UBA6: variants seen among roughly 807,000 people sequenced by gnomAD.
UBA6 encodes the protein ubiquitin-like modifier-activating enzyme 6.
UBA6 carries 87 observed loss-of-function variants against 148.3 expected under a neutral mutation model. That is an observed-to-expected ratio of 0.59 (90% confidence interval 0.49 to 0.70). UBA6 has a LOEUF of 0.70. UBA6 is among the 30% of genes least tolerant of loss of function. The pLI is 0.00. For synonymous variants in UBA6, 376 were observed against 401.0 expected, an observed-to-expected ratio of 0.94 and a Z score of 0.75; for missense variants, 1,186 against 1,241.2, an observed-to-expected ratio of 0.96 and a Z score of 0.67.
intron 1 of UBA6, 110 bp downstream of exon 1, chr4:67,700,938 TC>T (rs1730966463): frequency 7.3e-7 from 1 of 1,370,094 alleles, no homozygotes; most frequent in Admixed American, 2.0e-5. Context: ...CCGGCTCTGC[TC>T]GGCCCCGCGG....
chr4:67,626,297 T>A, intron 28 of UBA6, 63 bp downstream of exon 28: 1 of 923,866 alleles, frequency 1.1e-6, no homozygotes, highest in Non-Finnish European at 1.8e-6. Context: ...TTCTTAGGTG[T>A]AGAGCTTAGT....
intron 9 of UBA6, among the ~76,000 whole-genome samples, chr4:67,667,002 A>T (rs1437399556): frequency 6.6e-6 from 1 of 152,194 alleles, no homozygotes; most frequent in Non-Finnish European, 1.5e-5. Context: ...GCTTCATAAC[A>T]GCCACTCTAT....
intron 20 of UBA6, among the ~76,000 whole-genome samples, chr4:67,634,833 T>A (rs369106893): frequency 6.6e-6 from 1 of 152,080 alleles, no homozygotes; most frequent in Non-Finnish European, 1.5e-5. Context: ...AAGGTGACAT[T>A]TAAAGTTTTA....
At position 67,622,925 on chromosome 4, in the gene UBA6, C is replaced by A; in HGVS notation, c.2929G>T (p.Glu977Ter). 3 of 1,599,814 alleles carry A rather than the reference C, an allele frequency of 1.9e-6. No individual in the cohort carries two copies. The highest frequency in any genetic ancestry group is 2.6e-6 in the Non-Finnish European group (3 of 1,174,062). The change falls in exon 32 of 33, where the codon GAG becomes TAG. Residue 977 changes from glutamate to a stop codon, truncating the protein, a stop_gained and splice_region_variant. Transcript: ENST00000322244. LOFTEE classifies it high-confidence loss of function. The stretch of plus-strand genomic sequence containing the variant: ...ATTGTTGGCTCAATTCCATACTTCT[C>A]CTAAAAGTGAATATCCAAAAAAGAA... The part of the protein sequence containing the change: ...TLLDFINAVK[E>*]KYGIEPTMVV...
At chr4:67,673,418 GAAA>G (rs566565882) in intron 7 of UBA6, among the ~76,000 whole-genome samples, 1,211 of 102,124 alleles carry the variant, frequency 0.012, 28 homozygotes, top group African/African-American at 0.042. Context: ...TCTGTCTCGG[GAAA>G]AAAAAAAAAA....
intron 2 of UBA6, among the ~76,000 whole-genome samples, chr4:67,685,953 C>A (rs1730548596): frequency 6.6e-6 from 1 of 152,088 alleles, no homozygotes; most frequent in South Asian, 2.1e-4. Context: ...TTCTTTGTAC[C>A]AAGTAATATG....
At chr4:67,623,281 C>A in intron 30 of UBA6, 59 bp from the exon 31 acceptor site, 4 of 1,294,644 alleles carry the variant, frequency 3.1e-6, no homozygotes, top group Admixed American at 3.9e-5. Flanking sequence ...TTAGTGATGA[C>A]ACACACACAA....
At chr4:67,658,561 A>G (rs1729760103) in intron 13 of UBA6, among the ~76,000 whole-genome samples, 1 of 152,298 alleles carries the variant, frequency 6.6e-6, no homozygotes, top group South Asian at 2.1e-4. Flanking sequence ...GGGTGGGAAG[A>G]GGGGGCGGAA....
chr4:67,616,172 C>A lies in UBA6; in HGVS notation c.*2825G>T, dbSNP rs148468142. On this transcript the variant is annotated 3_prime_UTR_variant, in exon 33 of 33. Coordinates refer to ENST00000322244, the MANE Select transcript of UBA6 (RefSeq NM_018227.6). The stretch of plus-strand genomic sequence containing the variant: ...AGCTCAACTCTGATTTTTTTTTTTT[C>A]AGAGAAAGCATTCAGATTATATGTT... 1,009 of 389,562 alleles carry A rather than the reference C, an allele frequency of 2.6e-3. 12 individuals carry two copies. Among genetic ancestry groups the A allele is most frequent in the African/African-American group, 0.02 (912 of 46,298 alleles). 24.1% of individuals were successfully genotyped at this position (389,562 alleles called of 1,614,324 possible). A position where few individuals can be genotyped will look rare whatever the true frequency, so the allele number is the denominator to read the frequency against.
intron 2 of UBA6, among the ~76,000 whole-genome samples, chr4:67,695,146 C>A (rs922708641): frequency 6.6e-6 from 1 of 152,158 alleles, no homozygotes; most frequent in African/African-American, 2.4e-5. Context: ...TTAGTCAATA[C>A]TATCTCAAAG....
At chr4:67,630,832 G>A (rs899325642) in intron 25 of UBA6, among the ~76,000 whole-genome samples, 1 of 151,842 alleles carries the variant, frequency 6.6e-6, no homozygotes, top group Non-Finnish European at 1.5e-5. Flanking sequence ...TCAGACCAGT[G>A]AACAATAATT....
At chr4:67,692,240 G>A (rs995970895) in intron 2 of UBA6, among the ~76,000 whole-genome samples, 1 of 152,160 alleles carries the variant, frequency 6.6e-6, no homozygotes, top group Admixed American at 6.5e-5. Flanking sequence ...AGGCAGCAAT[G>A]AGTTTCTAGA....
intron 28 of UBA6, 69 bp from the exon 29 acceptor site, chr4:67,625,256 T>C: frequency 8.3e-7 from 1 of 1,199,302 alleles, no homozygotes; most frequent in Non-Finnish European, 1.1e-6. Context: ...TAAAAAGCAA[T>C]GTGAATTTAC....
chr4:67,636,833 G>A (rs1283432152), intron 19 of UBA6, among the ~76,000 whole-genome samples: 1 of 152,126 alleles, frequency 6.6e-6, no homozygotes, highest in African/African-American at 2.4e-5. Flanking sequence ...GAAGTGAGGA[G>A]CGTCTCTGCC....
chr4:67,638,068 A>G (rs1268410922), intron 19 of UBA6: 1 of 152,338 alleles, frequency 6.6e-6, no homozygotes, highest in Non-Finnish European at 1.5e-5. Flanking sequence ...AGCAAGAAAA[A>G]CAGAACTTCC....
chr4:67,619,272 TTTTC>T (rs1400038517), intron 32 of UBA6, 140 bp from the exon 33 acceptor site: 16 of 653,326 alleles, frequency 2.4e-5, no homozygotes, highest in Non-Finnish European at 4.1e-5. Flanking sequence ...ACATATTCAT[TTTTC>T]TTTACTAAAA....
intron 2 of UBA6, among the ~76,000 whole-genome samples, chr4:67,688,398 A>G (rs912466237): frequency 2.0e-5 from 3 of 152,166 alleles, no homozygotes; most frequent in Non-Finnish European, 2.9e-5. Flanking sequence ...GAATAGGCTC[A>G]AGTCTAATTC....
chr4:67,663,556 T>G, intron 11 of UBA6: 1 of 368,124 alleles, frequency 2.7e-6, no homozygotes, highest in Non-Finnish European at 4.9e-6. Context: ...AAATATGTAT[T>G]GTATAAAATG....
intron 32 of UBA6, among the ~76,000 whole-genome samples, chr4:67,622,309 T>C (rs958262939): frequency 6.6e-6 from 1 of 152,196 alleles, no homozygotes; most frequent in Non-Finnish European, 1.5e-5. Flanking sequence ...ATATAGCAAC[T>C]CAACACCCCC....
Sources: allele counts gnomAD v4.1 joint callset (sites outside exome capture counted in the v4.1 genomes callset), GRCh38; gene constraint gnomAD v4.1.1; transcripts MANE v1.5; gene names NCBI Gene and HGNC (gene_info 2026-07-23, HGNC 2026-07-21).